KIRREL3: variants seen among roughly 807,000 people sequenced by gnomAD.
KIRREL3 encodes kirre like nephrin family adhesion molecule 3, also known as kin of IRRE-like protein 3.
Under a neutral mutation model 89.7 loss-of-function variants are expected in KIRREL3, and 36 were observed. The ratio of observed to expected loss-of-function variants is 0.40; its 90% CI spans 0.31 to 0.53. KIRREL3 has a LOEUF of 0.53. Ranked by LOEUF, KIRREL3 falls within the 20% of genes least tolerant of loss-of-function variation. The probability of loss-of-function intolerance (pLI) is 0.49; values close to 1 mark genes in which losing one functional copy is unlikely to be tolerated. For missense variants in KIRREL3, 864 were observed against 1,056.6 expected, an observed-to-expected ratio of 0.82 and a Z score of 2.53; for synonymous variants, 445 against 441.4, an observed-to-expected ratio of 1.01 and a Z score of -0.10.
chr11:126,617,280 G>A (rs1030042324), intron 1 of KIRREL3, among the ~76,000 whole-genome samples: 1 of 152,244 alleles, frequency 6.6e-6, no homozygotes, highest in Non-Finnish European at 1.5e-5. Flanking sequence ...CAGTTAGATG[G>A]CAGGTGGTGA....
At chr11:126,538,275 C>A (rs1414121981) in intron 2 of KIRREL3, among the ~76,000 whole-genome samples, 1 of 152,176 alleles carries the variant, frequency 6.6e-6, no homozygotes, top group Non-Finnish European at 1.5e-5. Flanking sequence ...TTGGAGAAGG[C>A]TTAAGAATAC....
In KIRREL3 at chr11:126,830,286, A is replaced by T. The variant is rs1943562504; in HGVS notation, c.55+170169T>A. Among the ~76,000 whole-genome samples, 1 of 152,176 alleles carries T rather than the reference A, an allele frequency of 6.6e-6. No individual in the cohort carries two copies. The highest frequency in any genetic ancestry group is 1.5e-5 in the Non-Finnish European group (1 of 68,030). On this transcript the variant is annotated intron_variant, in intron 1 of 16. Transcript: ENST00000525144. This position sits in a 1 kb window ranked among gnomAD's most constrained non-coding sequence, Gnocchi z 4.9. ...GTCCCACCAGCAGCTGCAAATATTC[A>T]TTAATAATATTTTGTTTGGGTTCCC...
In KIRREL3 at chr11:126,879,198, C is replaced by T. The variant is rs921893411; in HGVS notation, c.55+121257G>A. Among the ~76,000 whole-genome samples the T allele has an allele frequency of 6.6e-6, 1 of 152,192 alleles. No individual in the cohort carries two copies. Among genetic ancestry groups the T allele is most frequent in the Non-Finnish European group, 1.5e-5 (1 of 68,032 alleles). On this transcript the variant is annotated intron_variant, in intron 1 of 16. Coordinates refer to ENST00000525144, the MANE Select transcript of KIRREL3 (RefSeq NM_032531.4). This position sits in a 1 kb window ranked among gnomAD's most constrained non-coding sequence, Gnocchi z 5.4. ...ATCACGGAGGTAATGTACAGGGAACCTATAACCAGGATGCAGATGCTATAT... is the reference window on the plus strand; with the variant it reads ...ATCACGGAGGTAATGTACAGGGAACTTATAACCAGGATGCAGATGCTATAT...
rs1156312981 is a variant in KIRREL3, at chr11:126,904,461, T to C, written c.55+95994A>G. Among the ~76,000 whole-genome samples the C allele has an allele frequency of 6.6e-6, 1 of 152,210 alleles. No individual in the cohort carries two copies. The highest frequency in any genetic ancestry group is 2.4e-5 in the African/African-American group (1 of 41,470). On this transcript the variant is annotated intron_variant, in intron 1 of 16. Transcript: ENST00000525144. This position sits in a 1 kb window ranked among gnomAD's most constrained non-coding sequence, Gnocchi z 4.4. ...AAAAGGAACCTGCTCCAAAGCAATG[T>C]TAACATAGCAGATATTTGGTCAGAA... is the stretch of plus-strand genomic sequence containing the variant.
chr11:126,668,702 T>C lies in KIRREL3; in HGVS notation c.56-105790A>G, dbSNP rs1027481270. Among the ~76,000 whole-genome samples the C allele has an allele frequency of 3.3e-5, 2 of 60,736 alleles. No homozygotes were observed. The highest frequency in any genetic ancestry group is 9.7e-5 in the African/African-American group (2 of 20,556). The allele number at this position is 60,736 out of a possible 152,430, so 39.8% of individuals were successfully genotyped here. ...GTTGGGAAGTTTCTGTTTTTCTTTC[T>C]TTCTTTCTTTCTTTCTTTCTTTCTT... On this transcript the variant is annotated intron_variant, in intron 1 of 16. Transcript: ENST00000525144. This position sits in a 1 kb window ranked among gnomAD's most constrained non-coding sequence, Gnocchi z 4.4.
intron 1 of KIRREL3, among the ~76,000 whole-genome samples, chr11:126,749,856 G>A (rs1011051270): frequency 6.6e-6 from 1 of 152,130 alleles, no homozygotes; most frequent in African/African-American, 2.4e-5. Context: ...TCAAGGCCAC[G>A]GAAGACCCTA....
chr11:126,546,889 G>A (rs1938851924), intron 2 of KIRREL3, among the ~76,000 whole-genome samples: 2 of 152,238 alleles, frequency 1.3e-5, no homozygotes, highest in African/African-American at 4.8e-5. Flanking sequence ...TTTCGCAGAT[G>A]AGAACATAGA....
In KIRREL3 at chr11:126,812,185, A is replaced by C. The variant is rs1406900720; in HGVS notation, c.55+188270T>G. ...CCATTCTTTCTATTGTGATCATAAG[A>C]AGAAGAAGGCCAAAGGATCATTAAT... On this transcript the variant is annotated intron_variant, in intron 1 of 16. Transcript: ENST00000525144. The surrounding 1 kb of genome is among the most constrained non-coding windows in gnomAD (Gnocchi z 5.2). 6.6e-6 allele frequency among the ~76,000 whole-genome samples: 1 copy of C among 152,176 alleles called. No individual in the cohort carries two copies. The highest frequency in any genetic ancestry group is 2.4e-5 in the African/African-American group (1 of 41,432).
chr11:126,599,113 C>T (rs748233747), intron 1 of KIRREL3, among the ~76,000 whole-genome samples: 2 of 152,192 alleles, frequency 1.3e-5, no homozygotes, highest in Non-Finnish European at 2.9e-5. Flanking sequence ...GGTGCAGAGA[C>T]ATCTGCTGTT....
chr11:126,667,828 C>T (rs1945731279), intron 1 of KIRREL3, among the ~76,000 whole-genome samples: 1 of 152,074 alleles, frequency 6.6e-6, no homozygotes, highest in African/African-American at 2.4e-5. Context: ...GTGGGATGAC[C>T]CTCTGAAAGC....
At position 126,569,892 on chromosome 11, in the gene KIRREL3, G is replaced by A. The variant is rs1471080665; in HGVS notation, c.56-6980C>T. Among the ~76,000 whole-genome samples, 1 of 152,026 alleles carries A rather than the reference G, an allele frequency of 6.6e-6. No individual in the cohort carries two copies. The highest frequency in any genetic ancestry group is 1.5e-5 in the Non-Finnish European group (1 of 68,012). ...TGCCATTCTGATTGCAGAATGATGG[G>A]GTCTTCTGTTTGGAAAGTTTTCACT... is the stretch of plus-strand genomic sequence containing the variant. On this transcript the variant is annotated intron_variant, in intron 1 of 16. Coordinates refer to ENST00000525144, the MANE Select transcript of KIRREL3 (RefSeq NM_032531.4). The surrounding 1 kb of genome is among the most constrained non-coding windows in gnomAD (Gnocchi z 6.5).
rs1950859709 is a variant in KIRREL3 at position 126,797,754 on chromosome 11, C to T, written c.55+202701G>A. ...CTGTAATTGTAATGGAAATTCAAATCACTCCACTGAACCTGTTTTCTGATT... is the reference window on the plus strand; with the variant it reads ...CTGTAATTGTAATGGAAATTCAAATTACTCCACTGAACCTGTTTTCTGATT... On this transcript the variant is annotated intron_variant, in intron 1 of 16. Transcript: ENST00000525144. The surrounding 1 kb of genome is among the most constrained non-coding windows in gnomAD (Gnocchi z 4.9). Among the ~76,000 whole-genome samples, 1 of 152,198 alleles carries T rather than the reference C, an allele frequency of 6.6e-6. No homozygotes were observed. Among genetic ancestry groups the T allele is most frequent in the Non-Finnish European group, 1.5e-5 (1 of 68,038 alleles).
chr11:126,585,477 G>A (rs1283942473), intron 1 of KIRREL3, among the ~76,000 whole-genome samples: 1 of 151,372 alleles, frequency 6.6e-6, no homozygotes, highest in African/African-American at 2.4e-5. Context: ...CGTGTGATCC[G>A]CCCGCCTCAG....
intron 1 of KIRREL3, among the ~76,000 whole-genome samples, chr11:126,638,231 C>T (rs984521606): frequency 1.2e-4 from 18 of 152,206 alleles, no homozygotes; most frequent in African/African-American, 3.9e-4. Flanking sequence ...TTCCTCTTGA[C>T]AGAATTTTCC....
At position 126,898,995 on chromosome 11, in the gene KIRREL3, G is replaced by A. The variant is rs1320162725; in HGVS notation, c.55+101460C>T. The stretch of plus-strand genomic sequence containing the variant: ...GGATGCTGTAAGATGAGACTTAAAA[G>A]CCGCAGGGGAGTTTGGGGGGGGTCT... On this transcript the variant is annotated intron_variant, in intron 1 of 16. Coordinates refer to ENST00000525144, the MANE Select transcript of KIRREL3 (RefSeq NM_032531.4). The surrounding 1 kb of genome is among the most constrained non-coding windows in gnomAD (Gnocchi z 4.9). Among the ~76,000 whole-genome samples, 1 of 104,954 alleles carries A rather than the reference G, an allele frequency of 9.5e-6. No homozygotes were observed. The highest frequency in any genetic ancestry group is 5.1e-5 in the African/African-American group (1 of 19,466). The allele number at this position is 104,954 out of a possible 152,430, so 68.9% of individuals were successfully genotyped here.
At chr11:126,630,002 C>T (rs371552016) in intron 1 of KIRREL3, among the ~76,000 whole-genome samples, 2 of 152,188 alleles carry the variant, frequency 1.3e-5, no homozygotes, top group Non-Finnish European at 2.9e-5. Flanking sequence ...CTGATAGATT[C>T]ACCTGTTCTT....
rs1437360291 is a variant in KIRREL3 at position 126,530,011 on chromosome 11, G to T, written c.134-3324C>A. Among the ~76,000 whole-genome samples, 2 of 151,706 alleles carry T rather than the reference G, an allele frequency of 1.3e-5. No homozygotes were observed. Among genetic ancestry groups the T allele is most frequent in the Non-Finnish European group, 2.9e-5 (2 of 67,964 alleles). ...ACAGACCTTAGGGCCTCTCCTTTGG[G>T]CTCAAGAGCCCCTCAGAGCACAGCT... On this transcript the variant is annotated intron_variant, in intron 2 of 16. Coordinates refer to ENST00000525144, the MANE Select transcript of KIRREL3 (RefSeq NM_032531.4). The surrounding 1 kb of genome is among the most constrained non-coding windows in gnomAD (Gnocchi z 5.8).
intron 1 of KIRREL3, among the ~76,000 whole-genome samples, chr11:126,675,914 T>A (rs1162208424): frequency 6.6e-6 from 1 of 152,092 alleles, no homozygotes. Context: ...AGCTGTTTAA[T>A]AGGCAGAATT....
intron 1 of KIRREL3, among the ~76,000 whole-genome samples, chr11:126,921,892 C>T (rs1017862414): frequency 6.7e-6 from 1 of 150,284 alleles, no homozygotes; most frequent in Non-Finnish European, 1.5e-5. Context: ...TCATCTATCT[C>T]CCTATCTATC....
Sources: gnomAD v4.1 joint callset for allele counts (sites outside exome capture counted in the v4.1 genomes callset) on GRCh38, gnomAD v4.1.1 for gene constraint, Gnocchi (gnomAD v3.1) non-coding constraint, MANE v1.5 for transcripts, NCBI Gene and HGNC (gene_info 2026-07-23, HGNC 2026-07-21) for gene names.